Variants in TRPM3 observed in about 807,000 individuals in gnomAD.
The protein encoded by TRPM3 is long transient receptor potential channel 3.
TRPM3 carries 77 observed loss-of-function variants against 181.2 expected under a neutral mutation model. That is an observed-to-expected ratio of 0.42 (90% CI 0.35 to 0.51). TRPM3 has a LOEUF of 0.51. Among genes scored for constraint, TRPM3 ranks in the 20% least tolerant of loss-of-function variants. TRPM3 has a pLI of 0.01. For synonymous variants in TRPM3, 745 were observed against 796.4 expected (o/e 0.94, Z 1.09); for missense variants, 1,759 against 2,196.7 (o/e 0.80, Z 3.98).
In TRPM3 at chr9:70,619,063, T is replaced by A; in HGVS notation, c.2162A>T (p.Asp721Val). 1 of 1,613,846 alleles carries A rather than the reference T, an allele frequency of 6.2e-7. No homozygotes were observed. Among genetic ancestry groups the A allele is most frequent in the Non-Finnish European group, 8.5e-7 (1 of 1,179,858 alleles). Reference protein sequence around the residue: ...DFGQLAVELLDQSYKQDEQLA... With the variant: ...DFGQLAVELLVQSYKQDEQLA... The stretch of plus-strand genomic sequence containing the variant: ...CTGTTCGTCCTGCTTGTAGGACTGG[T>A]CCAGGAGCTCCACAGCCAGCTGGCC... The change falls in exon 17 of 26, where the codon GAC becomes GTC. Residue 721 changes from aspartate to valine, a missense_variant. Transcript: ENST00000677713.
chr9:71,132,318 G>A (rs766344004), intron 1 of TRPM3, among the ~76,000 whole-genome samples: 8 of 151,036 alleles, frequency 5.3e-5, no homozygotes, highest in Non-Finnish European at 1.0e-4. Flanking sequence ...ATTCTTGGAG[G>A]GAACCACACA....
chr9:71,238,830 TTC>T lies in TRPM3; in HGVS notation c.183+207821_183+207822del, dbSNP rs566393826. 8.9e-4 allele frequency among the ~76,000 whole-genome samples: 135 copies of T among 152,278 alleles called. 4 individuals are homozygous for T. The South Asian group carries it at 0.027, about 30-fold the overall frequency. ...TTCACCTGTGGAAGGCATTTGAGCT[TTC>T]TCTCTCCCTAGTACACCTCAAGAAT... On this transcript the variant is annotated intron_variant, in intron 1 of 24. Coordinates refer to the TRPM3 transcript ENST00000357533.
At chr9:71,437,643 G>A (rs545856987) in intron 1 of TRPM3, among the ~76,000 whole-genome samples, 24 of 152,086 alleles carry the variant, frequency 1.6e-4, no homozygotes, top group South Asian at 4.2e-4. Context: ...TATGGTGGGC[G>A]GATCACCTGA....
intron 1 of TRPM3, among the ~76,000 whole-genome samples, chr9:71,316,579 G>T (rs1043509929): frequency 6.6e-6 from 1 of 152,068 alleles, no homozygotes; most frequent in Non-Finnish European, 1.5e-5. Context: ...ACCAAGAGAC[G>T]TAACATTGCT....
chr9:70,920,358 G>A (rs1043180089), intron 1 of TRPM3, among the ~76,000 whole-genome samples: 1 of 152,096 alleles, frequency 6.6e-6, no homozygotes, highest in African/African-American at 2.4e-5. Context: ...GCTTTGAAAA[G>A]TCTATTAGGT....
intron 1 of TRPM3, among the ~76,000 whole-genome samples, chr9:71,241,004 A>C (rs1310607114): frequency 6.6e-6 from 1 of 152,222 alleles, no homozygotes; most frequent in Non-Finnish European, 1.5e-5. Flanking sequence ...TTCCTTTAAA[A>C]ACCATTCTTT....
chr9:71,089,270 C>A (rs2065809589), intron 1 of TRPM3, among the ~76,000 whole-genome samples: 1 of 149,950 alleles, frequency 6.7e-6, no homozygotes, highest in Non-Finnish European at 1.5e-5. Flanking sequence ...CTCTATATCA[C>A]TATAAAATAA....
chr9:70,813,260 G>A (rs577978873), intron 6 of TRPM3, among the ~76,000 whole-genome samples: 11 of 152,188 alleles, frequency 7.2e-5, no homozygotes, highest in South Asian at 2.1e-4. Context: ...GAATCAACCC[G>A]GGTGCTCATC....
intron 8 of TRPM3, among the ~76,000 whole-genome samples, chr9:70,750,065 G>A (rs1282199851): frequency 6.6e-6 from 1 of 152,120 alleles, no homozygotes; most frequent in Admixed American, 6.6e-5. Flanking sequence ...CAGAAGCAAC[G>A]ATATATAACA....
At chr9:71,245,491 T>C (rs924257868) in intron 1 of TRPM3, among the ~76,000 whole-genome samples, 2 of 151,992 alleles carry the variant, frequency 1.3e-5, no homozygotes, top group South Asian at 2.1e-4. Flanking sequence ...CTTCTTTCTT[T>C]AGATATTTAG....
At chr9:71,328,619 C>T (rs2089894358) in intron 1 of TRPM3, among the ~76,000 whole-genome samples, 2 of 152,168 alleles carry the variant, frequency 1.3e-5, no homozygotes, top group East Asian at 3.9e-4. Flanking sequence ...CCAGATCTGT[C>T]CCTAGCCACA....
At chr9:70,969,285 G>T (rs10868933) in intron 1 of TRPM3, among the ~76,000 whole-genome samples, 1 of 151,638 alleles carries the variant, frequency 6.6e-6, no homozygotes, top group African/African-American at 2.4e-5. Context: ...GGGGTGGGGG[G>T]CTAGGGGAGG....
chr9:71,290,207 C>T (rs760450027), intron 1 of TRPM3, among the ~76,000 whole-genome samples: 13 of 151,950 alleles, frequency 8.6e-5, no homozygotes, highest in Admixed American at 6.6e-5. Context: ...GTGACGCACT[C>T]TTTTTCAGAA....
At chr9:71,113,071 G>T (rs916707603) in intron 1 of TRPM3, among the ~76,000 whole-genome samples, 2 of 152,190 alleles carry the variant, frequency 1.3e-5, no homozygotes, top group Non-Finnish European at 2.9e-5. Flanking sequence ...GTTTTATTCT[G>T]CAAGAGATGA....
chr9:71,295,656 T>G (rs186187650), intron 1 of TRPM3, among the ~76,000 whole-genome samples: 1 of 151,858 alleles, frequency 6.6e-6, no homozygotes, highest in East Asian at 1.9e-4. Flanking sequence ...ATAGCAAGAC[T>G]GTATTTGTAC....
chr9:71,261,312 G>A (rs2083037224), intron 1 of TRPM3, among the ~76,000 whole-genome samples: 1 of 152,096 alleles, frequency 6.6e-6, no homozygotes, highest in African/African-American at 2.4e-5. Flanking sequence ...TGATACTTGT[G>A]TATGCTTCAC....
chr9:71,181,575 G>A (rs1216772276), intron 1 of TRPM3, among the ~76,000 whole-genome samples: 1 of 152,040 alleles, frequency 6.6e-6, no homozygotes, highest in Non-Finnish European at 1.5e-5. Flanking sequence ...AATACAATGA[G>A]AAGCATTTTA....
intron 1 of TRPM3, among the ~76,000 whole-genome samples, chr9:71,234,695 C>T (rs2081261692): frequency 6.6e-6 from 1 of 152,104 alleles, no homozygotes; most frequent in African/African-American, 2.4e-5. Context: ...ACTTTATTAC[C>T]TCTTTAAACC....
At chr9:70,677,830 C>T (rs1326522781) in intron 9 of TRPM3, among the ~76,000 whole-genome samples, 2 of 152,068 alleles carry the variant, frequency 1.3e-5, no homozygotes, top group South Asian at 2.1e-4. Context: ...AGGGATCGCC[C>T]CCTTTCCACC....
Sources: gnomAD v4.1 joint callset for allele counts (sites outside exome capture counted in the v4.1 genomes callset) on GRCh38, gnomAD v4.1.1 for gene constraint, MANE v1.5 for transcripts, NCBI Gene and HGNC (gene_info 2026-07-23, HGNC 2026-07-21) for gene names.